The following TFDP2 variants were observed in gnomAD, a reference collection of about 807,000 sequenced individuals.
The protein encoded by TFDP2 is transcription factor Dp-2.
TFDP2 carries 17 observed loss-of-function variants against 59.3 expected under a neutral mutation model. The ratio of observed to expected loss-of-function variants is 0.29; its 90% CI spans 0.20 to 0.43. The LOEUF (loss-of-function observed/expected upper bound fraction) is 0.43. Ranked by LOEUF, TFDP2 falls within the 20% of genes least tolerant of loss-of-function variation. TFDP2 has a pLI of 1.00. For synonymous variants in TFDP2, 180 were observed against 194.7 expected, an observed-to-expected ratio of 0.92 and a Z score of 0.63; for missense variants, 391 against 528.8, an observed-to-expected ratio of 0.74 and a Z score of 2.56.
At chr3:142,008,195 A>G (rs1000605290) in intron 3 of TFDP2, among the ~76,000 whole-genome samples, 1 of 151,944 alleles carries the variant, frequency 6.6e-6, no homozygotes, top group African/African-American at 2.4e-5. Context: ...GGGCCATTAA[A>G]TGTTCTCCAG....
rs555853497 is a variant in TFDP2 at position 142,045,609 on chromosome 3, T to C, written c.83-40065A>G. Reference sequence around the variant, plus strand: ...GGTCTCTGTCCACCTAGGTATTATTTGACTTTTTTTTTTTTTTTTTTTAGA... The same window carrying C: ...GGTCTCTGTCCACCTAGGTATTATTCGACTTTTTTTTTTTTTTTTTTTAGA... On this transcript the variant is annotated intron_variant, in intron 3 of 12. Coordinates refer to ENST00000489671, the MANE Select transcript of TFDP2 (RefSeq NM_001178139.2). 1.4e-3 allele frequency among the ~76,000 whole-genome samples: 160 copies of C among 113,928 alleles called. 1 individual carries two copies. The highest frequency in any genetic ancestry group is 5.7e-3 in the African/African-American group (156 of 27,228). 74.7% of individuals were successfully genotyped at this position (113,928 alleles called of 152,430 possible).
At chr3:142,112,966 C>T (rs561211483) in intron 1 of TFDP2, among the ~76,000 whole-genome samples, 36 of 152,194 alleles carry the variant, frequency 2.4e-4, no homozygotes, top group African/African-American at 7.9e-4. Context: ...TACTTCTGTC[C>T]CTACCCAAAG....
At chr3:141,953,582 A>AT (rs2107831633) in intron 11 of TFDP2, among the ~76,000 whole-genome samples, 1 of 151,872 alleles carries the variant, frequency 6.6e-6, no homozygotes, top group African/African-American at 2.4e-5. Flanking sequence ...TCCTGACAAG[A>AT]TTTTTCCTGG....
intron 3 of TFDP2, among the ~76,000 whole-genome samples, chr3:142,086,180 T>C (rs560270338): frequency 6.7e-6 from 1 of 150,208 alleles, no homozygotes; most frequent in East Asian, 1.9e-4. Flanking sequence ...TTATTAAGAA[T>C]GGGAAAAAAA....
intron 3 of TFDP2, among the ~76,000 whole-genome samples, chr3:142,034,437 G>T (rs1946585414): frequency 6.6e-6 from 1 of 151,960 alleles, no homozygotes; most frequent in Non-Finnish European, 1.5e-5. Context: ...CTTCAAAAAT[G>T]CACCAAGTAC....
chr3:141,977,989 C>T (rs919705199), intron 7 of TFDP2, among the ~76,000 whole-genome samples: 2 of 150,192 alleles, frequency 1.3e-5, no homozygotes, highest in Non-Finnish European at 3.0e-5. Flanking sequence ...GGATTACAGG[C>T]GTGAGCCACC....
rs1050006408 is a variant in TFDP2 at position 141,979,951 on chromosome 3, C to T, written c.357-1269G>A. On this transcript the variant is annotated intron_variant, in intron 6 of 12. Transcript: ENST00000489671. ...GGATTCAGGGTCTCACTCTGTTGCC[C>T]GGGCTAGAGTGCAGTGGTGCCGTCA... Among the ~76,000 whole-genome samples, 7 of 150,910 alleles carry T rather than the reference C, an allele frequency of 4.6e-5. No homozygotes were observed. In the South Asian group the frequency reaches 1.3e-3, roughly 27 times the overall value.
At chr3:142,113,962 A>G (rs1047951999) in intron 1 of TFDP2, among the ~76,000 whole-genome samples, 2 of 152,102 alleles carry the variant, frequency 1.3e-5, no homozygotes, top group Non-Finnish European at 2.9e-5. Context: ...CAGGAGATCA[A>G]GATCATCCTG....
chr3:142,086,235 A>G (rs2060807519), intron 3 of TFDP2, among the ~76,000 whole-genome samples: 1 of 152,204 alleles, frequency 6.6e-6, no homozygotes, highest in African/African-American at 2.4e-5. Context: ...AACACAAAAC[A>G]CTGCCTCTGG....
chr3:142,043,935 TCGCGCATTGGCTGTACCCTTCCG>T, intron 3 of TFDP2: 1 of 817,640 alleles, frequency 1.2e-6, no homozygotes, highest in East Asian at 2.4e-5. Flanking sequence ...TCTCTGGCAT[TCGCGCATTGGCTGTACCCTTCCG>T]CTTACCTATG....
intron 1 of TFDP2, among the ~76,000 whole-genome samples, chr3:142,114,267 G>GTT (rs1213637887): frequency 2.0e-5 from 3 of 151,936 alleles, no homozygotes; most frequent in Non-Finnish European, 4.4e-5. Flanking sequence ...GTATAATGAA[G>GTT]TTTAAATAAA....
intron 2 of TFDP2, among the ~76,000 whole-genome samples, chr3:142,098,821 G>A (rs1454037872): frequency 6.6e-6 from 1 of 152,140 alleles, no homozygotes; most frequent in Non-Finnish European, 1.5e-5. Flanking sequence ...CATACAGAAG[G>A]CCTAAAGATG....
At chr3:141,965,997 C>G (rs902313971) in intron 9 of TFDP2, among the ~76,000 whole-genome samples, 2 of 148,224 alleles carry the variant, frequency 1.3e-5, no homozygotes, top group Non-Finnish European at 1.5e-5. Context: ...CTTTGCCTAA[C>G]TTGGTGTCTG....
chr3:141,996,900 C>CA (rs1374020073), intron 4 of TFDP2, among the ~76,000 whole-genome samples: 1 of 152,198 alleles, frequency 6.6e-6, no homozygotes, highest in African/African-American at 2.4e-5. Flanking sequence ...ATAATACTGA[C>CA]AGATGTCTGG....
At position 141,970,516 on chromosome 3, in the gene TFDP2, TTA is replaced by T. The variant is rs1227680770; in HGVS notation, c.664-377_664-376del. On this transcript the variant is annotated intron_variant, in intron 8 of 12. Coordinates refer to ENST00000489671, the MANE Select transcript of TFDP2 (RefSeq NM_001178139.2). ...ATCTTAATTCACCTTCACAAAAACC[TTA>T]TGAGTTAAGTCCTGTTGTTATCCAC... is the stretch of plus-strand genomic sequence containing the variant. Among the ~76,000 whole-genome samples the T allele has an allele frequency of 7.6e-4, 116 of 152,278 alleles. 1 individual carries two copies. The highest frequency in any genetic ancestry group is 2.7e-3 in the African/African-American group (112 of 41,538).
At chr3:142,073,838 C>T (rs1233963536) in intron 3 of TFDP2, among the ~76,000 whole-genome samples, 2 of 152,084 alleles carry the variant, frequency 1.3e-5, no homozygotes, top group Non-Finnish European at 2.9e-5. Context: ...ATAAATGTTC[C>T]ATTTGAATGG....
intron 11 of TFDP2, among the ~76,000 whole-genome samples, chr3:141,953,941 A>C: frequency 6.6e-6 from 1 of 151,062 alleles, no homozygotes; most frequent in African/African-American, 2.4e-5. Flanking sequence ...GAGGCCAAGG[A>C]GGGCGGATCA....
chr3:142,023,310 G>C (rs1945805514), intron 3 of TFDP2, among the ~76,000 whole-genome samples: 1 of 150,802 alleles, frequency 6.6e-6, no homozygotes, highest in African/African-American at 2.4e-5. Flanking sequence ...TCAGCCTCCT[G>C]AGTAGCTGGG....
At chr3:142,003,150 G>T (rs946914885) in intron 4 of TFDP2, among the ~76,000 whole-genome samples, 2 of 151,990 alleles carry the variant, frequency 1.3e-5, no homozygotes, top group Non-Finnish European at 2.9e-5. Context: ...CTACATGTGT[G>T]TCACCATGCT....
Sources: gnomAD v4.1 joint callset for allele counts (sites outside exome capture counted in the v4.1 genomes callset) on GRCh38, gnomAD v4.1.1 for gene constraint, MANE v1.5 for transcripts, NCBI Gene and HGNC (gene_info 2026-07-23, HGNC 2026-07-21) for gene names.